CPPED1: variants seen among roughly 807,000 people sequenced by gnomAD.
CPPED1 encodes the protein calcineurin like phosphoesterase domain containing 1.
In CPPED1, 28 loss-of-function variants were observed where a neutral mutation model predicts 28.0. The ratio of observed to expected loss-of-function variants is 1.00; its 90% CI spans 0.74 to 1.37. The LOEUF (loss-of-function observed/expected upper bound fraction) is 1.37, where lower values mean the gene tolerates loss of function less well. Among genes scored for constraint, CPPED1 ranks in the 40% most tolerant of loss-of-function variants. CPPED1 has a pLI of 0.00. For synonymous variants in CPPED1, 198 were observed against 180.2 expected, an observed-to-expected ratio of 1.10 and a Z score of -0.79; for missense variants, 504 against 416.5, an observed-to-expected ratio of 1.21 and a Z score of -1.83.
intron 3 of CPPED1, among the ~76,000 whole-genome samples, chr16:12,676,764 T>G (rs1157954342): frequency 6.6e-6 from 1 of 152,156 alleles, no homozygotes; most frequent in Non-Finnish European, 1.5e-5. Flanking sequence ...GTAATAATAA[T>G]AATGATGATA....
intron 3 of CPPED1, among the ~76,000 whole-genome samples, chr16:12,686,241 A>ATATATATTTT (rs35644844): frequency 1.2e-3 from 125 of 106,956 alleles, no homozygotes; most frequent in African/African-American, 5.1e-3. Context: ...ATATATATAT[A>ATATATATTTT]TTTTTTTTTT....
At chr16:12,726,688 G>A (rs1004606805) in intron 2 of CPPED1, among the ~76,000 whole-genome samples, 1 of 151,862 alleles carries the variant, frequency 6.6e-6, no homozygotes, top group Non-Finnish European at 1.5e-5. Context: ...GCATGCCTGT[G>A]GTTCCAGCTA....
chr16:12,756,191 ACACGTC>A (rs1284214422), intron 2 of CPPED1, among the ~76,000 whole-genome samples: 3 of 152,038 alleles, frequency 2.0e-5, no homozygotes, highest in African/African-American at 7.2e-5. Flanking sequence ...TCATATAATG[ACACGTC>A]CACAAGACTG....
intron 2 of CPPED1, among the ~76,000 whole-genome samples, chr16:12,771,083 T>G (rs1315828118): frequency 6.6e-6 from 1 of 152,152 alleles, no homozygotes; most frequent in African/African-American, 2.4e-5. Flanking sequence ...AATAAAAAGA[T>G]CCGTATCTAC....
intron 2 of CPPED1, among the ~76,000 whole-genome samples, chr16:12,753,628 G>C (rs1447916302): frequency 6.6e-6 from 1 of 151,956 alleles, no homozygotes; most frequent in Non-Finnish European, 1.5e-5. Context: ...ATCTTCCCAA[G>C]TCTCAACAAC....
Position 12,685,769 on chromosome 16 carries a change from T to C in CPPED1, c.715+18855A>G, listed in dbSNP as rs542340196. 4.6e-5 allele frequency among the ~76,000 whole-genome samples: 7 copies of C among 152,310 alleles called. No homozygotes were observed. In the East Asian group the frequency reaches 1.2e-3, roughly 25 times the overall value. On this transcript the variant is annotated intron_variant, in intron 3 of 3. Coordinates refer to ENST00000381774, the MANE Select transcript of CPPED1 (RefSeq NM_018340.3). ...AGGATGGATGCAGCTGTGACAATTC[T>C]CCTACCACGGCCACCCAGGGTCTGG...
intron 2 of CPPED1, among the ~76,000 whole-genome samples, chr16:12,722,917 T>C (rs2080149230): frequency 6.6e-6 from 1 of 152,134 alleles, no homozygotes; most frequent in African/African-American, 2.4e-5. Flanking sequence ...TGGGTTGGTC[T>C]AATGTGAAAT....
At chr16:12,725,035 C>G (rs2080162951) in intron 2 of CPPED1, among the ~76,000 whole-genome samples, 2 of 151,924 alleles carry the variant, frequency 1.3e-5, no homozygotes, top group African/African-American at 4.8e-5. Flanking sequence ...ATCCACCTGC[C>G]TTGGCCTCCC....
intron 2 of CPPED1, among the ~76,000 whole-genome samples, chr16:12,780,223 A>G (rs1173503718): frequency 6.6e-6 from 1 of 152,076 alleles, no homozygotes; most frequent in African/African-American, 2.4e-5. Flanking sequence ...TCCTTCACCC[A>G]GGCTGGAGTG....
At chr16:12,696,444 T>A (rs1002627563) in intron 3 of CPPED1, among the ~76,000 whole-genome samples, 1 of 149,268 alleles carries the variant, frequency 6.7e-6, no homozygotes, top group Non-Finnish European at 1.5e-5. Context: ...CTTTCTTTTT[T>A]TTTTTTTTTT....
At chr16:12,764,527 T>C (rs921576275) in intron 2 of CPPED1, among the ~76,000 whole-genome samples, 1 of 151,612 alleles carries the variant, frequency 6.6e-6, no homozygotes. Flanking sequence ...TTTTGTAGAG[T>C]TGGAGTTTTG....
In CPPED1 at chr16:12,682,227, A is replaced by G. The variant is rs1019969069; in HGVS notation, c.716-17112T>C. On this transcript the variant is annotated intron_variant, in intron 3 of 3. Coordinates refer to ENST00000381774, the MANE Select transcript of CPPED1 (RefSeq NM_018340.3). The surrounding 1 kb of genome is among the most constrained non-coding windows in gnomAD (Gnocchi z 6.1). ...TTTTTGTGTCTTTAGTAGAGACAGG[A>G]TTTTACGATGTTGGCCAGGCTGATC... Among the ~76,000 whole-genome samples the G allele has an allele frequency of 1.3e-5, 2 of 151,792 alleles. No homozygotes were observed. The highest frequency in any genetic ancestry group is 2.9e-5 in the Non-Finnish European group (2 of 67,976).
chr16:12,732,920 A>G (rs1244643968), intron 2 of CPPED1, among the ~76,000 whole-genome samples: 1 of 152,218 alleles, frequency 6.6e-6, no homozygotes, highest in Non-Finnish European at 1.5e-5. Context: ...ATGAGAGAGA[A>G]GCACAGATGG....
chr16:12,760,615 A>G (rs1437873855), intron 2 of CPPED1: 1 of 152,158 alleles, frequency 6.6e-6, no homozygotes, highest in African/African-American at 2.4e-5. Flanking sequence ...GGCATCGAAA[A>G]TGACACAACT....
At chr16:12,689,626 G>A (rs2079951863) in intron 3 of CPPED1, among the ~76,000 whole-genome samples, 1 of 151,884 alleles carries the variant, frequency 6.6e-6, no homozygotes, top group African/African-American at 2.4e-5. Context: ...GAGTGCACCT[G>A]TATGTGAGAC....
intron 2 of CPPED1, among the ~76,000 whole-genome samples, chr16:12,745,677 G>A (rs151282705): frequency 6.6e-4 from 101 of 152,342 alleles, no homozygotes; most frequent in African/African-American, 2.1e-3. Flanking sequence ...CGCTTAAGGC[G>A]GGAGGGTGGG....
intron 3 of CPPED1, among the ~76,000 whole-genome samples, chr16:12,694,388 C>G (rs1014280818): frequency 6.6e-6 from 1 of 152,118 alleles, no homozygotes; most frequent in East Asian, 1.9e-4. Context: ...CATTTACACA[C>G]GCCAGATTCT....
chr16:12,792,763 C>T lies in CPPED1; in HGVS notation c.70+10944G>A, dbSNP rs555991888. On this transcript the variant is annotated intron_variant, in intron 1 of 3. Transcript: ENST00000381774. ...ATAAAGCGCAGTTCCCCTGCACACG[C>T]TCTCTTGCCTGCCACCATGTAAGAC... Among the ~76,000 whole-genome samples, 3 of 152,300 alleles carry T rather than the reference C, an allele frequency of 2.0e-5. No individual in the cohort carries two copies. In the South Asian group the frequency reaches 6.2e-4, roughly 32 times the overall value.
chr16:12,716,095 A>G (rs1015993075), intron 2 of CPPED1, among the ~76,000 whole-genome samples: 1 of 152,232 alleles, frequency 6.6e-6, no homozygotes, highest in Non-Finnish European at 1.5e-5. Context: ...AACCATCTAC[A>G]TATGTGTAAG....
Sources: allele counts gnomAD v4.1 joint callset (sites outside exome capture counted in the v4.1 genomes callset), GRCh38; gene constraint gnomAD v4.1.1; non-coding constraint Gnocchi (gnomAD v3.1); transcripts MANE v1.5; gene names NCBI Gene and HGNC (gene_info 2026-07-23, HGNC 2026-07-21).